The following UGT1A4 variants were observed in gnomAD, a reference collection of about 807,000 sequenced individuals.
UGT1A4 encodes UDP-glucuronosyltransferase 1A4.
In UGT1A4, 32 loss-of-function variants were observed where a neutral mutation model predicts 41.1. That is an observed-to-expected ratio of 0.78 (90% CI 0.59 to 1.05). The LOEUF (loss-of-function observed/expected upper bound fraction) is 1.05. Ranked by LOEUF, UGT1A4 falls within the 50% of genes least tolerant of loss-of-function variation. The probability of loss-of-function intolerance (pLI) is 0.00; values close to 1 mark genes in which losing one functional copy is unlikely to be tolerated. For missense variants in UGT1A4, 748 were observed against 677.4 expected, an observed-to-expected ratio of 1.10 and a Z score of -1.16; for synonymous variants, 283 against 265.1, an observed-to-expected ratio of 1.07 and a Z score of -0.66.
In UGT1A4 at chr2:233,756,630, T is replaced by C. The variant is rs563087338; in HGVS notation, c.868-10404T>C. On this transcript the variant is annotated intron_variant, in intron 1 of 4. Transcript: ENST00000373409. ...CATTAAGACTTGCAGGCCGTGTGTA[T>C]AGCACTGGGGATAAACATGGGATGC... Among the ~76,000 whole-genome samples the C allele has an allele frequency of 2.1e-3, 314 of 152,296 alleles. 12 individuals carry two copies. In the South Asian group the frequency reaches 0.063, roughly 31 times the overall value.
intron 1 of UGT1A4, among the ~76,000 whole-genome samples, chr2:233,764,636 A>G (rs757477318): frequency 9.9e-5 from 15 of 152,106 alleles, no homozygotes; most frequent in Non-Finnish European, 1.9e-4. Flanking sequence ...CAAAGGTCCT[A>G]GGAAATTTAA....
intron 1 of UGT1A4, chr2:233,729,771 C>A: frequency 6.2e-7 from 1 of 1,613,970 alleles, no homozygotes; most frequent in Non-Finnish European, 8.5e-7. Flanking sequence ...AGAACATGCT[C>A]TACCCTCTGG....
chr2:233,768,117 TGTGA>T, intron 3 of UGT1A4, 99 bp from the exon 4 acceptor site: 1 of 1,600,038 alleles, frequency 6.2e-7, no homozygotes, highest in Non-Finnish European at 8.5e-7. Flanking sequence ...TGCAAGGGCA[TGTGA>T]GTAACACTGA....
chr2:233,756,334 A>G (rs1057243294), intron 1 of UGT1A4: 3 of 152,176 alleles, frequency 2.0e-5, no homozygotes, highest in African/African-American at 7.2e-5. Context: ...ACCTCTAGTC[A>G]TCTCTTGATT....
At chr2:233,758,650 G>A (rs1202453447) in intron 1 of UGT1A4, among the ~76,000 whole-genome samples, 3 of 152,060 alleles carry the variant, frequency 2.0e-5, no homozygotes, top group Admixed American at 6.6e-5. Flanking sequence ...AAGAATGAGA[G>A]GGTACCCTAA....
chr2:233,754,888 TC>T (rs1267337682), intron 1 of UGT1A4: 34 of 1,351,412 alleles, frequency 2.5e-5, no homozygotes, highest in Non-Finnish European at 3.4e-5. Flanking sequence ...CCCAGGGAGT[TC>T]CTCTGACCCC....
At chr2:233,743,656 G>C (rs528527073) in intron 1 of UGT1A4, 2 of 1,367,266 alleles carry the variant, frequency 1.5e-6, no homozygotes, top group Non-Finnish European at 2.0e-6. Context: ...AGACGTACTC[G>C]AAGGGGTCCT....
At chr2:233,724,302 T>A (rs1575551867) in intron 1 of UGT1A4, among the ~76,000 whole-genome samples, 11 of 123,398 alleles carry the variant, frequency 8.9e-5, no homozygotes, top group South Asian at 6.0e-4. Context: ...CCCCCCCACC[T>A]CCCTCCCGGA....
At chr2:233,729,271 C>G (rs45595237) in intron 1 of UGT1A4, 3 of 1,614,050 alleles carry the variant, frequency 1.9e-6, no homozygotes, top group Non-Finnish European at 8.5e-7. Flanking sequence ...GGAGGTCTTG[C>G]GGGAGCTCCA....
intron 1 of UGT1A4, among the ~76,000 whole-genome samples, chr2:233,726,736 G>A (rs531749888): frequency 1.4e-4 from 22 of 152,274 alleles, no homozygotes; most frequent in African/African-American, 3.9e-4. Context: ...ATACTTTTGT[G>A]GGGCTGTGAT....
chr2:233,772,520 A>C lies in UGT1A4; in HGVS notation c.1566A>C (p.Lys522Asn). The change falls in exon 5 of 5, where the codon AAA (lysine) becomes AAC (asparagine). Residue 522 changes from lysine (K) to asparagine (N), a missense_variant. Coordinates refer to ENST00000373409, the MANE Select transcript of UGT1A4 (RefSeq NM_007120.3). ...AYGYRKCLGK[K>N]GRVKKAHKSK... is the part of the protein sequence containing the mutation. ...GCTACCGGAAATGCTTGGGGAAAAA[A>C]GGGCGAGTTAAGAAAGCCCACAAAT... 1.2e-6 allele frequency: 2 copies of C among 1,614,206 alleles called. No individual in the cohort carries two copies. Among genetic ancestry groups the C allele is most frequent in the Non-Finnish European group, 1.7e-6 (2 of 1,180,032 alleles).
intron 1 of UGT1A4, among the ~76,000 whole-genome samples, chr2:233,762,777 G>A (rs1698161345): frequency 6.7e-6 from 1 of 149,832 alleles, no homozygotes; most frequent in Non-Finnish European, 1.5e-5. Flanking sequence ...ATCTCTAGCT[G>A]ATTATCTACT....
intron 1 of UGT1A4, among the ~76,000 whole-genome samples, chr2:233,762,572 C>A (rs947472049): frequency 6.6e-6 from 1 of 152,114 alleles, no homozygotes; most frequent in Non-Finnish European, 1.5e-5. Flanking sequence ...GTCTAGTTCC[C>A]CACAGAGGAA....
chr2:233,734,413 C>G (rs1324994664), intron 1 of UGT1A4, among the ~76,000 whole-genome samples: 1 of 152,086 alleles, frequency 6.6e-6, no homozygotes, highest in Non-Finnish European at 1.5e-5. Flanking sequence ...ATTCTTCTCT[C>G]TTTTCTTCTT....
chr2:233,754,950 C>T lies in UGT1A4; in HGVS notation c.868-12084C>T, dbSNP rs186689116. ...CAAGAGGTCAAAGGAGAATGGGTCC[C>T]GGCCGCCAAAGAACTCCCTGAAGAC... On this transcript the variant is annotated intron_variant, in intron 1 of 4. Transcript: ENST00000373409. The T allele has an allele frequency of 1.7e-3, 2,306 of 1,324,608 alleles. 28 individuals carry two copies. In the African/African-American group the frequency reaches 0.028, roughly 16 times the overall value. The allele number at this position is 1,324,608 out of a possible 1,614,324, so 82.1% of individuals were successfully genotyped here.
rs115332590 is a variant in UGT1A4 at position 233,732,850 on chromosome 2, G to T, written c.867+13163G>T. Among the ~76,000 whole-genome samples the T allele has an allele frequency of 7.9e-3, 1,186 of 150,004 alleles. 18 individuals carry two copies. Among genetic ancestry groups the T allele is most frequent in the African/African-American group, 0.025 (998 of 40,660 alleles). On this transcript the variant is annotated intron_variant, in intron 1 of 4. Coordinates refer to ENST00000373409, the MANE Select transcript of UGT1A4 (RefSeq NM_007120.3). ...AAGTAGTTTTTTCCAATTTTGTGAA[G>T]TCATTGGTAGCTTGATGGGTTTGGC...
chr2:233,757,637 C>T (rs375047032), intron 1 of UGT1A4, among the ~76,000 whole-genome samples: 1 of 148,590 alleles, frequency 6.7e-6, no homozygotes, highest in Non-Finnish European at 1.5e-5. Context: ...CAGAACAGAA[C>T]AAAATGCTGT....
intron 1 of UGT1A4, among the ~76,000 whole-genome samples, chr2:233,724,399 C>T (rs1329746304): frequency 1.5e-4 from 22 of 142,970 alleles, no homozygotes; most frequent in African/African-American, 5.2e-4. Flanking sequence ...CCTCACTTCC[C>T]AGATGGGGTG....
At chr2:233,730,104 T>G in intron 1 of UGT1A4, 1 of 1,577,736 alleles carries the variant, frequency 6.3e-7, no homozygotes, top group Non-Finnish European at 8.6e-7. Flanking sequence ...ATATTTCATT[T>G]CTGCTTCTCC....
Sources: gnomAD v4.1 joint callset for allele counts (sites outside exome capture counted in the v4.1 genomes callset) on GRCh38, gnomAD v4.1.1 for gene constraint, MANE v1.5 for transcripts, NCBI Gene and HGNC (gene_info 2026-07-23, HGNC 2026-07-21) for gene names.